Variants in RALYL observed in about 807,000 individuals in gnomAD.
RALYL encodes RALY RNA binding protein like.
RALYL carries 29 observed loss-of-function variants against 35.1 expected under a neutral mutation model. That is an observed-to-expected ratio of 0.83 (90% CI 0.61 to 1.13). RALYL has a LOEUF of 1.13. Ranked by LOEUF, RALYL falls within the 50% of genes most tolerant of loss-of-function variation. RALYL has a pLI of 0.00. For missense variants in RALYL, 359 were observed against 360.4 expected, an observed-to-expected ratio of 1.00 and a Z score of 0.03; for synonymous variants, 120 against 127.6, an observed-to-expected ratio of 0.94 and a Z score of 0.40.
chr8:84,377,470 T>TGTTTGTTTGTTTG (rs1298809661), intron 1 of RALYL, among the ~76,000 whole-genome samples: 6 of 148,624 alleles, frequency 4.0e-5, no homozygotes, highest in African/African-American at 1.5e-4. Context: ...TTTTTTTTTT[T>TGTTTGTTTGTTTG]TTTTTCTTAA....
At chr8:84,420,663 G>T (rs2045421324) in intron 1 of RALYL, among the ~76,000 whole-genome samples, 1 of 127,312 alleles carries the variant, frequency 7.9e-6, no homozygotes, top group South Asian at 2.8e-4. Flanking sequence ...TTTCTTCTAG[G>T]GTTTTTATGG....
chr8:84,271,334 C>T (rs1834273403), intron 1 of RALYL, among the ~76,000 whole-genome samples: 1 of 151,624 alleles, frequency 6.6e-6, no homozygotes, highest in African/African-American at 2.4e-5. Flanking sequence ...ATTAAATTCA[C>T]AATGAGTTAC....
chr8:84,652,445 A>G (rs1273216460), intron 2 of RALYL, among the ~76,000 whole-genome samples: 1 of 152,066 alleles, frequency 6.6e-6, no homozygotes, highest in East Asian at 1.9e-4. Flanking sequence ...TTATGCTGCT[A>G]TGGCCTTAGA....
rs2044735868 is a variant in RALYL at position 84,416,630 on chromosome 8, G to T, written c.-23-112669G>T. On this transcript the variant is annotated intron_variant, in intron 1 of 8. Transcript: ENST00000521268. ...CTTTGCAGAAATAATATATTGGATTGTAAGAGTTGTTTTCCTGAAGGTCAT... is the reference window on the plus strand; with the variant it reads ...CTTTGCAGAAATAATATATTGGATTTTAAGAGTTGTTTTCCTGAAGGTCAT... Among the ~76,000 whole-genome samples, 4 of 152,048 alleles carry T rather than the reference G, an allele frequency of 2.6e-5. 1 individual carries two copies. In the South Asian group the frequency reaches 8.3e-4, roughly 31 times the overall value.
intron 1 of RALYL, among the ~76,000 whole-genome samples, chr8:84,265,310 T>C (rs1289443381): frequency 1.3e-5 from 2 of 152,114 alleles, no homozygotes; most frequent in Non-Finnish European, 2.9e-5. Flanking sequence ...CATGAGTCCT[T>C]AATGTAGATA....
intron 3 of RALYL, among the ~76,000 whole-genome samples, chr8:84,796,989 T>A (rs1822081796): frequency 6.6e-6 from 1 of 152,204 alleles, no homozygotes; most frequent in Non-Finnish European, 1.5e-5. Flanking sequence ...ACTCCGTCAC[T>A]TTGCTGTGTG....
chr8:84,731,747 A>G (rs1352222342), intron 2 of RALYL, among the ~76,000 whole-genome samples: 1 of 152,152 alleles, frequency 6.6e-6, no homozygotes, highest in Non-Finnish European at 1.5e-5. Flanking sequence ...CCCCTAAAAT[A>G]AAAGTAAAAT....
chr8:84,219,223 G>T (rs182411685), intron 1 of RALYL, among the ~76,000 whole-genome samples: 1 of 152,162 alleles, frequency 6.6e-6, no homozygotes, highest in East Asian at 1.9e-4. Context: ...GGATTATGAG[G>T]CGGTTTTCTC....
intron 2 of RALYL, among the ~76,000 whole-genome samples, chr8:84,664,600 G>T (rs1034272307): frequency 6.6e-6 from 1 of 152,008 alleles, no homozygotes; most frequent in Non-Finnish European, 1.5e-5. Flanking sequence ...TTGTGAATGT[G>T]AGTTTATTCC....
chr8:84,493,677 A>G (rs770919314), intron 1 of RALYL, among the ~76,000 whole-genome samples: 54 of 152,074 alleles, frequency 3.6e-4, no homozygotes, highest in Non-Finnish European at 6.2e-4. Flanking sequence ...GCTGTTGAGT[A>G]CTTCATATGT....
chr8:84,440,086 T>G (rs2132932793), intron 1 of RALYL, among the ~76,000 whole-genome samples: 1 of 152,254 alleles, frequency 6.6e-6, no homozygotes, highest in African/African-American at 2.4e-5. Flanking sequence ...AGGCAGAATG[T>G]TGGAGCTTAC....
At chr8:84,739,355 C>A (rs983806433) in intron 2 of RALYL, among the ~76,000 whole-genome samples, 2 of 150,120 alleles carry the variant, frequency 1.3e-5, no homozygotes, top group Admixed American at 6.7e-5. Context: ...AGTTTAGTAT[C>A]AAAAAAAACT....
At chr8:84,497,142 T>C (rs1055088554) in intron 1 of RALYL, among the ~76,000 whole-genome samples, 1 of 152,144 alleles carries the variant, frequency 6.6e-6, no homozygotes, top group Non-Finnish European at 1.5e-5. Flanking sequence ...AGAATTTTCC[T>C]ACCTTGTTTT....
intron 1 of RALYL, among the ~76,000 whole-genome samples, chr8:84,472,122 C>A (rs949159080): frequency 1.3e-5 from 2 of 152,152 alleles, no homozygotes; most frequent in South Asian, 4.1e-4. Context: ...AATTTCTCAT[C>A]TGCTGCTTAT....
chr8:84,474,322 A>G (rs930249747), intron 1 of RALYL, among the ~76,000 whole-genome samples: 6 of 152,162 alleles, frequency 3.9e-5, no homozygotes, highest in African/African-American at 1.4e-4. Flanking sequence ...TCATATTGTC[A>G]TTTACCAAAA....
chr8:84,454,334 T>TTG (rs751363706), intron 1 of RALYL, among the ~76,000 whole-genome samples: 6,536 of 152,004 alleles, frequency 0.043, 167 homozygotes, highest in Middle Eastern at 0.078. Context: ...GGCAAACCTT[T>TTG]TTTAAAAATC....
chr8:84,722,647 A>ATATATATATG (rs1393286997), intron 2 of RALYL, among the ~76,000 whole-genome samples: 1 of 135,402 alleles, frequency 7.4e-6, no homozygotes, highest in Admixed American at 7.4e-5. Flanking sequence ...ATATATATAT[A>ATATATATATG]TGTATGTATA....
intron 2 of RALYL, among the ~76,000 whole-genome samples, chr8:84,638,078 A>G (rs1416155256): frequency 6.6e-6 from 1 of 152,000 alleles, no homozygotes; most frequent in African/African-American, 2.4e-5. Flanking sequence ...AATTCTCAAT[A>G]AATTTAGGAA....
chr8:84,382,668 T>C (rs1858267091), intron 1 of RALYL, among the ~76,000 whole-genome samples: 1 of 151,688 alleles, frequency 6.6e-6, no homozygotes, highest in Non-Finnish European at 1.5e-5. Context: ...ATCATTGAAT[T>C]ATAAATCATT....
Sources: allele counts gnomAD v4.1 joint callset (sites outside exome capture counted in the v4.1 genomes callset), GRCh38; gene constraint gnomAD v4.1.1; transcripts MANE v1.5; gene names NCBI Gene and HGNC (gene_info 2026-07-23, HGNC 2026-07-21).